EEFSEC: variants seen among roughly 807,000 people sequenced by gnomAD.
The protein encoded by EEFSEC is eukaryotic elongation factor, selenocysteine-tRNA specific.
A neutral mutation model predicts 42.1 loss-of-function variants in EEFSEC; 43 were observed. That is an observed-to-expected ratio of 1.02 (90% CI 0.80 to 1.32). The LOEUF (loss-of-function observed/expected upper bound fraction) is 1.32, where lower values mean the gene tolerates loss of function less well. Ranked by LOEUF, EEFSEC falls within the 40% of genes most tolerant of loss-of-function variation. The pLI, the probability that EEFSEC is intolerant of heterozygous loss-of-function variation, is 0.00. For synonymous variants in EEFSEC, 354 were observed against 339.1 expected, an observed-to-expected ratio of 1.04 and a Z score of -0.48; for missense variants, 745 against 803.6, an observed-to-expected ratio of 0.93 and a Z score of 0.88.
intron 6 of EEFSEC, among the ~76,000 whole-genome samples, chr3:128,364,968 G>A (rs929224585): frequency 6.6e-6 from 1 of 152,188 alleles, no homozygotes; most frequent in African/African-American, 2.4e-5. Context: ...GGAGTAAGTG[G>A]GCACAGCATA....
chr3:128,250,710 G>A (rs926067010), intron 2 of EEFSEC, among the ~76,000 whole-genome samples: 4 of 152,020 alleles, frequency 2.6e-5, no homozygotes, highest in African/African-American at 4.8e-5. Context: ...GATTGTTTTG[G>A]CTATCTGGTG....
At chr3:128,409,240 C>T (rs3749373), downstream of EEFSEC, among the ~76,000 whole-genome samples, 2,625 of 152,282 alleles carry the variant, frequency 0.017, 83 homozygotes, top group East Asian at 0.15. Context: ...TCCAGACAGA[C>T]GCAGAGGCCT....
At chr3:128,424,129 C>T in the EEFSEC span, among the ~76,000 whole-genome samples, 1 of 152,164 alleles carries the variant, frequency 6.6e-6, no homozygotes, top group Non-Finnish European at 1.5e-5. Context: ...GACACCTGGC[C>T]CCAAGAGTCA....
chr3:128,227,569 G>A (rs899559385), intron 1 of EEFSEC, among the ~76,000 whole-genome samples: 4 of 152,142 alleles, frequency 2.6e-5, no homozygotes, highest in African/African-American at 9.7e-5. Flanking sequence ...TTTCTACAAG[G>A]GTCTAAGACA....
In EEFSEC at chr3:128,317,215, G is replaced by A. The variant is rs533202280; in HGVS notation, c.787-24018G>A. 3.9e-5 allele frequency among the ~76,000 whole-genome samples: 6 copies of A among 152,280 alleles called. No individual in the cohort carries two copies. The highest frequency in any genetic ancestry group is 5.9e-5 in the Non-Finnish European group (4 of 68,028). On this transcript the variant is annotated intron_variant, in intron 4 of 6. Transcript: ENST00000254730. This position sits in a 1 kb window ranked among gnomAD's most constrained non-coding sequence, Gnocchi z 4.1. Reference sequence around the variant, plus strand: ...CAGTGCGTGCTGCTGGCTGGGGGACGACAGCCAGCATTCCCAGGAGGTCTG... The same window carrying A: ...CAGTGCGTGCTGCTGGCTGGGGGACAACAGCCAGCATTCCCAGGAGGTCTG...
intron 1 of EEFSEC, among the ~76,000 whole-genome samples, chr3:128,177,097 A>G (rs567824125): frequency 3.3e-5 from 5 of 152,106 alleles, no homozygotes; most frequent in Admixed American, 1.3e-4. Flanking sequence ...CCCAGGTTCA[A>G]GTGATTCTCC....
At chr3:128,345,151 C>T (rs889033832) in intron 5 of EEFSEC, among the ~76,000 whole-genome samples, 3 of 152,228 alleles carry the variant, frequency 2.0e-5, no homozygotes, top group Admixed American at 6.5e-5. Flanking sequence ...TTTCACAGTG[C>T]TGCACCAGGG....
At chr3:128,202,620 T>G (rs2065654701) in intron 1 of EEFSEC, among the ~76,000 whole-genome samples, 1 of 152,226 alleles carries the variant, frequency 6.6e-6, no homozygotes, top group Non-Finnish European at 1.5e-5. Flanking sequence ...GTTTCTACTC[T>G]TTATACCTTT....
At chr3:128,211,969 C>T (rs2065762590) in intron 1 of EEFSEC, among the ~76,000 whole-genome samples, 1 of 141,450 alleles carries the variant, frequency 7.1e-6, no homozygotes, top group Admixed American at 7.7e-5. Flanking sequence ...ATGCCATTCT[C>T]CTGCCTCAGC....
chr3:128,281,212 C>A (rs576002644), intron 4 of EEFSEC, among the ~76,000 whole-genome samples: 1 of 152,330 alleles, frequency 6.6e-6, no homozygotes, highest in East Asian at 1.9e-4. Context: ...GACCCTCCTT[C>A]TGAGCATACT....
intron 1 of EEFSEC, among the ~76,000 whole-genome samples, chr3:128,167,527 A>G (rs185975521): frequency 9.2e-5 from 14 of 152,318 alleles, no homozygotes; most frequent in Admixed American, 7.2e-4. Context: ...TTCAATGGAA[A>G]TTCAATCCTC....
chr3:128,262,128 G>C lies in EEFSEC; in HGVS notation c.525G>C (p.Lys175Asn), dbSNP rs1178227752. 5.0e-6 allele frequency: 8 copies of C among 1,613,890 alleles called. No homozygotes were observed. The African/African-American group carries it at 8.0e-5, about 16-fold the overall frequency. The part of the protein sequence containing the change: ...KKMQKTLENT[K>N]FRGAPIIPVA... ...TGATGGGACTTATTTTCCATTTCAG[G>C]TTCCGAGGTGCACCGATTATACCCG... The change falls in exon 3 of 7, where the codon AAG (lysine) becomes AAC (asparagine). Residue 175 changes from lysine (K) to asparagine (N), a missense_variant and splice_region_variant. By Grantham distance (94) the Lys-to-Asn change is moderately conservative (BLOSUM62 0). Transcript: ENST00000254730.
chr3:128,197,424 T>C (rs2065596408), intron 1 of EEFSEC, among the ~76,000 whole-genome samples: 1 of 152,080 alleles, frequency 6.6e-6, no homozygotes, highest in African/African-American at 2.4e-5. Context: ...GCACATGCCA[T>C]CACGCCCAGC....
At chr3:128,421,490 C>G in the EEFSEC span, among the ~76,000 whole-genome samples, 1 of 152,192 alleles carries the variant, frequency 6.6e-6, no homozygotes, top group Non-Finnish European at 1.5e-5. Context: ...GTCTCCGGGA[C>G]CTGACTCTGG....
intron 3 of EEFSEC, among the ~76,000 whole-genome samples, chr3:128,264,050 G>A (rs1038502054): frequency 6.6e-6 from 1 of 152,194 alleles, no homozygotes; most frequent in Non-Finnish European, 1.5e-5. Flanking sequence ...TGGGGGCAGG[G>A]GAAACGTGGC....
intron 1 of EEFSEC, among the ~76,000 whole-genome samples, chr3:128,211,716 A>G (rs897244367): frequency 1.3e-5 from 2 of 151,634 alleles, no homozygotes; most frequent in Non-Finnish European, 2.9e-5. Context: ...GGGTTTCACC[A>G]TATTGCCTAG....
chr3:128,377,009 C>G (rs1348944780), intron 6 of EEFSEC, among the ~76,000 whole-genome samples: 1 of 152,072 alleles, frequency 6.6e-6, no homozygotes, highest in Non-Finnish European at 1.5e-5. Flanking sequence ...ACTTTTGTTT[C>G]CATCCAAACT....
At chr3:128,293,312 A>G (rs1204603212) in intron 4 of EEFSEC, among the ~76,000 whole-genome samples, 2 of 152,230 alleles carry the variant, frequency 1.3e-5, no homozygotes, top group Non-Finnish European at 2.9e-5. Flanking sequence ...GAATCAGTTC[A>G]GAGTAGAAAA....
intron 4 of EEFSEC, among the ~76,000 whole-genome samples, chr3:128,268,660 A>G (rs2066380910): frequency 6.6e-6 from 1 of 152,058 alleles, no homozygotes; most frequent in Non-Finnish European, 1.5e-5. Context: ...GAAGACACGG[A>G]GAGTCACAGA....
Sources: gnomAD v4.1 joint callset for allele counts (sites outside exome capture counted in the v4.1 genomes callset) on GRCh38, gnomAD v4.1.1 for gene constraint, Gnocchi (gnomAD v3.1) non-coding constraint, MANE v1.5 for transcripts, NCBI Gene and HGNC (gene_info 2026-07-23, HGNC 2026-07-21) for gene names.